The following ZBTB20 variants were observed in gnomAD, a reference collection of about 807,000 sequenced individuals.
ZBTB20 encodes zinc finger and BTB domain containing 20.
In ZBTB20, 9 loss-of-function variants were observed where a neutral mutation model predicts 56.9. The ratio of observed to expected loss-of-function variants is 0.16; its 90% CI spans 0.10 to 0.28. The LOEUF (loss-of-function observed/expected upper bound fraction) is 0.28. Ranked by LOEUF, ZBTB20 falls within the 10% of genes least tolerant of loss-of-function variation. The pLI is 1.00. For synonymous variants in ZBTB20, 417 were observed against 420.7 expected, an observed-to-expected ratio of 0.99 and a Z score of 0.11; for missense variants, 655 against 1,003.0, an observed-to-expected ratio of 0.65 and a Z score of 4.69.
chr3:114,348,684 G>A (rs2080392534), intron 11 of ZBTB20, among the ~76,000 whole-genome samples: 1 of 152,152 alleles, frequency 6.6e-6, no homozygotes, highest in Non-Finnish European at 1.5e-5. Context: ...CTTAAGCAAC[G>A]TTCTGTTTCA....
At chr3:114,613,405 T>C (rs1373340832) in intron 6 of ZBTB20, among the ~76,000 whole-genome samples, 1 of 152,152 alleles carries the variant, frequency 6.6e-6, no homozygotes, top group Non-Finnish European at 1.5e-5. Flanking sequence ...CATTTTTTTA[T>C]TGAATAATAG....
intron 10 of ZBTB20, among the ~76,000 whole-genome samples, chr3:114,355,481 G>A (rs1399031946): frequency 1.3e-5 from 2 of 152,146 alleles, no homozygotes; most frequent in East Asian, 1.9e-4. Flanking sequence ...AGATGCGAAG[G>A]GGGACCCTGC....
At chr3:114,568,530 A>G (rs2053059322) in intron 6 of ZBTB20, among the ~76,000 whole-genome samples, 1 of 152,216 alleles carries the variant, frequency 6.6e-6, no homozygotes, top group African/African-American at 2.4e-5. Flanking sequence ...CCACATATTC[A>G]ATGGAGCATG....
At chr3:114,987,925 C>G (rs2078616348) in intron 2 of ZBTB20, among the ~76,000 whole-genome samples, 2 of 152,080 alleles carry the variant, frequency 1.3e-5, no homozygotes, top group South Asian at 4.1e-4. Flanking sequence ...ATCTGCATCA[C>G]TGAAAAGAAT....
intron 4 of ZBTB20, among the ~76,000 whole-genome samples, chr3:114,891,361 T>C (rs2107630189): frequency 6.6e-6 from 1 of 152,358 alleles, no homozygotes; most frequent in Non-Finnish European, 1.5e-5. Flanking sequence ...GAGAGTGCCT[T>C]GTTTTATTTT....
At chr3:114,536,335 A>T (rs1267230775) in intron 6 of ZBTB20, among the ~76,000 whole-genome samples, 1 of 152,238 alleles carries the variant, frequency 6.6e-6, no homozygotes, top group Non-Finnish European at 1.5e-5. Flanking sequence ...AATCACAAGT[A>T]TTCCTATACA....
chr3:114,538,853 G>T (rs750001797), intron 6 of ZBTB20, among the ~76,000 whole-genome samples: 8 of 152,094 alleles, frequency 5.3e-5, no homozygotes, highest in Non-Finnish European at 1.0e-4. Flanking sequence ...CAAAAATAAT[G>T]ATTAGAGTCA....
chr3:114,854,293 T>C (rs1263344969), intron 4 of ZBTB20, among the ~76,000 whole-genome samples: 2 of 152,144 alleles, frequency 1.3e-5, no homozygotes, highest in East Asian at 3.8e-4. Flanking sequence ...ATAATCCAAA[T>C]AAAATATTAC....
intron 5 of ZBTB20, among the ~76,000 whole-genome samples, chr3:114,694,648 G>A (rs1238277432): frequency 1.3e-5 from 2 of 151,832 alleles, no homozygotes; most frequent in East Asian, 3.9e-4. Flanking sequence ...AGATTCAAAG[G>A]ACCCTGTGGC....
intron 2 of ZBTB20, among the ~76,000 whole-genome samples, chr3:115,050,963 A>G (rs2081525242): frequency 6.6e-6 from 1 of 152,120 alleles, no homozygotes; most frequent in Non-Finnish European, 1.5e-5. Context: ...ATAATGATCT[A>G]TCATTTTTTA....
intron 7 of ZBTB20, among the ~76,000 whole-genome samples, chr3:114,467,948 A>G (rs981264543): frequency 7.2e-5 from 11 of 152,194 alleles, no homozygotes. Context: ...ACTCCTTCCT[A>G]TGGTTGGCAA....
intron 2 of ZBTB20, among the ~76,000 whole-genome samples, chr3:115,046,764 G>T (rs781043684): frequency 6.6e-6 from 1 of 152,030 alleles, no homozygotes; most frequent in Non-Finnish European, 1.5e-5. Flanking sequence ...GGCAAGTCTG[G>T]TTCTCCATAC....
intron 5 of ZBTB20, among the ~76,000 whole-genome samples, chr3:114,787,844 T>C (rs1395058473): frequency 6.6e-6 from 1 of 152,136 alleles, no homozygotes; most frequent in Non-Finnish European, 1.5e-5. Flanking sequence ...GATAACACTG[T>C]TGATGAAAAA....
chr3:114,774,226 T>G (rs2069424336), intron 5 of ZBTB20, among the ~76,000 whole-genome samples: 1 of 152,164 alleles, frequency 6.6e-6, no homozygotes, highest in African/African-American at 2.4e-5. Context: ...TGAAATAATA[T>G]GAAAGAAAAT....
At chr3:114,376,550 G>A (rs1471468633) in intron 10 of ZBTB20, among the ~76,000 whole-genome samples, 1 of 152,172 alleles carries the variant, frequency 6.6e-6, no homozygotes, top group African/African-American at 2.4e-5. Flanking sequence ...CAAATGGTTG[G>A]GAGGGGGAGG....
At chr3:114,933,283 C>CA (rs1480931595) in intron 3 of ZBTB20, among the ~76,000 whole-genome samples, 2 of 151,340 alleles carry the variant, frequency 1.3e-5, no homozygotes, top group African/African-American at 4.9e-5. Context: ...GGGACAAAGC[C>CA]AAAAAAGGGT....
chr3:114,509,515 C>T (rs2045074149), intron 6 of ZBTB20, among the ~76,000 whole-genome samples: 1 of 150,048 alleles, frequency 6.7e-6, no homozygotes, highest in African/African-American at 2.5e-5. Context: ...TCATTTGCTT[C>T]CCCACCTCAA....
At chr3:114,484,809 G>GTGTGTA (rs2041934703) in intron 7 of ZBTB20, among the ~76,000 whole-genome samples, 1 of 151,928 alleles carries the variant, frequency 6.6e-6, no homozygotes, top group South Asian at 2.1e-4. Context: ...GTGTGTGTGT[G>GTGTGTA]TGTGTGTGTG....
intron 6 of ZBTB20, among the ~76,000 whole-genome samples, chr3:114,600,578 A>C (rs1241489469): frequency 6.6e-6 from 1 of 151,972 alleles, no homozygotes; most frequent in East Asian, 1.9e-4. Flanking sequence ...ACTGTGCTCT[A>C]TTTACTCTGG....
Sources: allele counts gnomAD v4.1 joint callset (sites outside exome capture counted in the v4.1 genomes callset), GRCh38; gene constraint gnomAD v4.1.1; transcripts MANE v1.5; gene names NCBI Gene and HGNC (gene_info 2026-07-23, HGNC 2026-07-21).